The following IGLL5 variants were observed in gnomAD, a reference collection of about 807,000 sequenced individuals.
IGLL5 encodes the protein immunoglobulin lambda-like polypeptide 5.
In IGLL5, 30 loss-of-function variants were observed where a neutral mutation model predicts 20.9. The observed-to-expected ratio is 1.44, with a 90% CI of 1.07 to 1.95. The LOEUF is 1.95. IGLL5 is among the 30% of genes most tolerant of loss of function. The pLI is 0.00. For missense variants in IGLL5, 475 were observed against 270.7 expected (o/e 1.75, Z -5.30); for synonymous variants, 203 against 117.3 (o/e 1.73, Z -4.72).
intron 1 of IGLL5, among the ~76,000 whole-genome samples, chr22:22,893,159 G>A (rs1160724076): frequency 6.6e-6 from 1 of 151,150 alleles, no homozygotes; most frequent in Non-Finnish European, 1.5e-5. Context: ...AAGGATGATA[G>A]ATTGATGGAC....
chr22:22,888,468 T>G (rs550314006), intron 1 of IGLL5, among the ~76,000 whole-genome samples: 3 of 151,466 alleles, frequency 2.0e-5, no homozygotes, highest in Admixed American at 1.3e-4. Flanking sequence ...GATATTATTT[T>G]TCTTGATTTC....
In IGLL5 at chr22:22,895,330, C is replaced by G. The variant is rs371154390; in HGVS notation, c.326-45C>G. 18 of 1,550,588 alleles carry G rather than the reference C, an allele frequency of 1.2e-5. No homozygotes were observed. In the African/African-American group the frequency reaches 1.4e-4, roughly 12 times the overall value. On this transcript the variant is annotated intron_variant, in intron 2 of 2. Transcript: ENST00000526893. ...CAGAGAGAGGGGCTCCACAACACCCCGGTATTCTGTCTGCCCTCTCTCACC... is the reference window on the plus strand; with the variant it reads ...CAGAGAGAGGGGCTCCACAACACCCGGGTATTCTGTCTGCCCTCTCTCACC...
chr22:22,894,507 G>C (rs2066662186), intron 2 of IGLL5, among the ~76,000 whole-genome samples: 1 of 151,574 alleles, frequency 6.6e-6, no homozygotes, highest in Non-Finnish European at 1.5e-5. Context: ...GTCTGTCCCT[G>C]GAGCCCCGTC....
Position 22,888,231 on chromosome 22 carries a change from C to G in IGLL5, c.178C>G (p.Arg60Gly). ...CCCTGGAGCCTCAGTTGGAAGCAGC[C>G]GATCCAGCCTGCGGAGCCTGTGGGG... ...PDPGASVGSSRSSLRSLWGRL... is the reference protein window; with the variant it reads ...PDPGASVGSSGSSLRSLWGRL... Residue 60 changes from arginine to glycine, a missense_variant, in exon 1 of 3, where the codon CGA (arginine) becomes GGA (glycine). Transcript: ENST00000526893. 6.5e-7 allele frequency: 1 copy of G among 1,547,992 alleles called. No homozygotes were observed. The highest frequency in any genetic ancestry group is 8.7e-7 in the Non-Finnish European group (1 of 1,146,466).
At position 22,893,817 on chromosome 22, in the gene IGLL5, A is replaced by C. The variant is rs187381895; in HGVS notation, c.324A>C (p.Leu108=). The C allele has an allele frequency of 5.6e-6, 9 of 1,598,716 alleles. No individual in the cohort carries two copies. The highest frequency in any genetic ancestry group is 4.0e-5 in the African/African-American group (3 of 74,472). Residue 108 remains leucine (L), a splice_region_variant and synonymous_variant, in exon 2 of 3, where the codon CTA becomes CTC. Coordinates refer to ENST00000526893, the MANE Select transcript of IGLL5 (RefSeq NM_001178126.2). Reference sequence around the variant, plus strand: ...GAACTGGGACCAAGGTCACCGTCCTAGGTAAGTGGCTCTCAACCTTTCCCA... The same window carrying C: ...GAACTGGGACCAAGGTCACCGTCCTCGGTAAGTGGCTCTCAACCTTTCCCA... ...VFGTGTKVTV[L]GQPKANPTVT... is the part of the protein sequence containing the mutation.
intron 2 of IGLL5, 94 bp from the exon 3 acceptor site, chr22:22,895,281 G>A (rs1282701940): frequency 8.2e-7 from 1 of 1,222,130 alleles, no homozygotes; most frequent in Non-Finnish European, 1.2e-6. Context: ...TGGCCACACT[G>A]TGAACCCTCC....
intron 2 of IGLL5, among the ~76,000 whole-genome samples, chr22:22,894,346 G>A (rs187510907): frequency 6.6e-6 from 1 of 151,518 alleles, no homozygotes; most frequent in Non-Finnish European, 1.5e-5. Flanking sequence ...GGCACAGAGA[G>A]GGCTCTGGGT....
chr22:22,893,854 C>A (rs556625538), intron 2 of IGLL5, 36 bp downstream of exon 2: 4 of 1,353,354 alleles, frequency 3.0e-6, no homozygotes, highest in African/African-American at 2.9e-5. Flanking sequence ...CCTGTCTCAC[C>A]CTCTGCTGTC....
chr22:22,895,132 A>G (rs532897479), intron 2 of IGLL5, among the ~76,000 whole-genome samples: 2 of 151,350 alleles, frequency 1.3e-5, no homozygotes, highest in Admixed American at 6.6e-5. Flanking sequence ...TTGAGGCTGT[A>G]GAGGAGAGGG....
rs913330890 is a variant in IGLL5 at position 22,895,906 on chromosome 22, G to A, written c.*212G>A. 5 of 620,614 alleles carry A rather than the reference G, an allele frequency of 8.1e-6. No individual in the cohort carries two copies. In the African/African-American group the frequency reaches 9.3e-5, roughly 12 times the overall value. The allele number at this position is 620,614 out of a possible 1,614,324, so 38.4% of individuals were successfully genotyped here. A position where few individuals can be genotyped will look rare whatever the true frequency, so the allele number is the denominator to read the frequency against. The stretch of plus-strand genomic sequence containing the variant: ...CGGGGTTCTCAGTGTGGGGTACAGG[G>A]AATTCTGCACCCAGTGTGAAAATCA... On this transcript the variant is annotated 3_prime_UTR_variant, in exon 3 of 3. Transcript: ENST00000526893.
At chr22:22,889,742 T>G in intron 1 of IGLL5, among the ~76,000 whole-genome samples, 1 of 151,256 alleles carries the variant, frequency 6.6e-6, no homozygotes, top group African/African-American at 2.4e-5. Flanking sequence ...TGCAGGCCAC[T>G]ACACCTGGCT....
chr22:22,889,446 T>A (rs1441555670), intron 1 of IGLL5, among the ~76,000 whole-genome samples: 1 of 151,052 alleles, frequency 6.6e-6, no homozygotes, highest in East Asian at 2.0e-4. Context: ...ATCCTAAGGG[T>A]TGGTTGGGGG....
chr22:22,895,375 G>A lies in IGLL5; in HGVS notation c.326G>A (p.Gly109Asp). 1 of 1,612,646 alleles carries A rather than the reference G, an allele frequency of 6.2e-7. No individual in the cohort carries two copies. Among genetic ancestry groups the A allele is most frequent in the South Asian group, 1.1e-5 (1 of 90,986 alleles). ...FGTGTKVTVL[G>D]QPKANPTVTL... Reference sequence around the variant, plus strand: ...CTCACCCCCTTCCCTGTCCACACAGGTCAGCCCAAGGCCAACCCCACTGTC... The same window carrying A: ...CTCACCCCCTTCCCTGTCCACACAGATCAGCCCAAGGCCAACCCCACTGTC... The change falls in exon 3 of 3, where the codon GGT becomes GAT. Residue 109 changes from glycine to aspartate, a missense_variant and splice_region_variant. Transcript: ENST00000526893.
Position 22,894,494 on chromosome 22 carries a change from T to A in IGLL5, c.325+676T>A, listed in dbSNP as rs557782286. On this transcript the variant is annotated intron_variant, in intron 2 of 2. Transcript: ENST00000526893. ...AGGAGACAGTCTCTTAGGGCAGAGA[T>A]GTGTCTGTCCCTGGAGCCCCGTCAC... Among the ~76,000 whole-genome samples the A allele has an allele frequency of 4.6e-5, 7 of 151,392 alleles. No individual in the cohort carries two copies. In the South Asian group the frequency reaches 1.5e-3, roughly 32 times the overall value.
chr22:22,894,903 T>G lies in IGLL5; in HGVS notation c.326-472T>G, dbSNP rs1413394379. Among the ~76,000 whole-genome samples, 5 of 151,132 alleles carry G rather than the reference T, an allele frequency of 3.3e-5. 1 individual carries two copies. The highest frequency in any genetic ancestry group is 6.6e-5 in the Admixed American group (1 of 15,126). ...TAGGAAGCTCCAGTTCAAAGCAGGC[T>G]TGGGTCTCCCCACACACTGCCTGCC... On this transcript the variant is annotated intron_variant, in intron 2 of 2. Coordinates refer to ENST00000526893, the MANE Select transcript of IGLL5 (RefSeq NM_001178126.2).
At chr22:22,893,844 C>G (rs781523087) in intron 2 of IGLL5, 26 bp downstream of exon 2, 17 of 1,408,920 alleles carry the variant, frequency 1.2e-5, no homozygotes, top group Admixed American at 8.4e-5. Flanking sequence ...CCTTTCCCAG[C>G]CTGTCTCACC....
Position 22,895,749 on chromosome 22 carries a change from G to GAGAGACCCCTCCCCT in IGLL5, c.*55_*56insAGAGACCCCTCCCCT. The GAGAGACCCCTCCCCT allele has an allele frequency of 1.1e-5, 17 of 1,561,238 alleles. No homozygotes were observed. Among genetic ancestry groups the GAGAGACCCCTCCCCT allele is most frequent in the Non-Finnish European group, 1.5e-5 (17 of 1,132,838 alleles). On this transcript the variant is annotated 3_prime_UTR_variant, in exon 3 of 3. Coordinates refer to ENST00000526893, the MANE Select transcript of IGLL5 (RefSeq NM_001178126.2). ...CCTGGAGCTGCAGGATCCCAGGGGA[G>GAGAGACCCCTCCCCT]GGGTCTCTCTCCCCATCCCAAGTCA...
At chr22:22,888,640 C>A (rs183456108) in intron 1 of IGLL5, among the ~76,000 whole-genome samples, 1 of 151,152 alleles carries the variant, frequency 6.6e-6, no homozygotes, top group Non-Finnish European at 1.5e-5. Flanking sequence ...CCCCCTCCTC[C>A]TCTCTGCCCA....
intron 1 of IGLL5, among the ~76,000 whole-genome samples, chr22:22,888,565 G>C (rs2067616181): frequency 1.3e-5 from 2 of 151,366 alleles, no homozygotes; most frequent in South Asian, 4.2e-4. Context: ...AGGAACAGAG[G>C]CAGGGACAGG....
Sources: gnomAD v4.1 joint callset for allele counts (sites outside exome capture counted in the v4.1 genomes callset) on GRCh38, gnomAD v4.1.1 for gene constraint, MANE v1.5 for transcripts, NCBI Gene and HGNC (gene_info 2026-07-23, HGNC 2026-07-21) for gene names.